SND1: variants seen among roughly 807,000 people sequenced by gnomAD.
SND1 encodes the protein staphylococcal nuclease and tudor domain containing 1, also known as staphylococcal nuclease domain-containing protein 1.
SND1 carries 38 observed loss-of-function variants against 121.7 expected under a neutral mutation model. That is an observed-to-expected ratio of 0.31 (90% CI 0.24 to 0.41). SND1 has a LOEUF of 0.41. Ranked by LOEUF, SND1 falls within the 10% of genes least tolerant of loss-of-function variation. The pLI, the probability that SND1 is intolerant of heterozygous loss-of-function variation, is 1.00. For missense variants in SND1, 868 were observed against 1,184.6 expected (o/e 0.73, Z 3.92); for synonymous variants, 401 against 447.4 (o/e 0.90, Z 1.31).
intron 3 of SND1, among the ~76,000 whole-genome samples, chr7:127,697,314 AG>A (rs57946947): frequency 0.031 from 4,748 of 152,314 alleles, 94 homozygotes; most frequent in Non-Finnish European, 0.045. Flanking sequence ...CCCCAGGGGA[AG>A]ATACTTTTCT....
intron 16 of SND1, among the ~76,000 whole-genome samples, chr7:128,066,924 A>G (rs1468678121): frequency 6.6e-6 from 1 of 152,200 alleles, no homozygotes; most frequent in Non-Finnish European, 1.5e-5. Flanking sequence ...TGGGTTGGGA[A>G]GAGGCAGGAG....
chr7:127,865,935 A>C (rs1799464858), intron 12 of SND1, among the ~76,000 whole-genome samples: 1 of 147,902 alleles, frequency 6.8e-6, no homozygotes, highest in African/African-American at 2.5e-5. Flanking sequence ...TTTTTACCAC[A>C]TACCTGCTTT....
At chr7:127,835,197 TCTC>T (rs1182881415) in intron 11 of SND1, among the ~76,000 whole-genome samples, 2 of 152,146 alleles carry the variant, frequency 1.3e-5, no homozygotes, top group South Asian at 4.1e-4. Flanking sequence ...ATTAAGCAAG[TCTC>T]CTTTCTTCAT....
intron 10 of SND1, among the ~76,000 whole-genome samples, chr7:127,762,885 G>A (rs1216748036): frequency 6.6e-6 from 1 of 152,110 alleles, no homozygotes; most frequent in Non-Finnish European, 1.5e-5. Context: ...TTGCTGTTTG[G>A]GACCATGCAG....
intron 1 of SND1, among the ~76,000 whole-genome samples, chr7:127,665,973 C>T (rs1795410726): frequency 2.0e-5 from 3 of 152,188 alleles, no homozygotes; most frequent in Non-Finnish European, 2.9e-5. Context: ...CCTGAAATCC[C>T]GCCATGATCT....
At chr7:127,657,860 T>G (rs806171) in intron 1 of SND1, among the ~76,000 whole-genome samples, 8,912 of 152,236 alleles carry the variant, frequency 0.059, 753 homozygotes, top group African/African-American at 0.19. Flanking sequence ...CAGTATCCCA[T>G]GTAAATAGTT....
At chr7:128,078,273 CA>C (rs1793540239) in intron 17 of SND1, among the ~76,000 whole-genome samples, 1 of 152,256 alleles carries the variant, frequency 6.6e-6, no homozygotes. Context: ...AACAGCTGGT[CA>C]CCTCCATCCC....
chr7:127,983,564 G>A (rs1200850602), intron 15 of SND1, among the ~76,000 whole-genome samples: 4 of 152,014 alleles, frequency 2.6e-5, no homozygotes, highest in Non-Finnish European at 4.4e-5. Flanking sequence ...TAGGTATGTG[G>A]CTAGGGAGAT....
intron 12 of SND1, among the ~76,000 whole-genome samples, chr7:127,850,498 C>T (rs764331667): frequency 6.6e-6 from 1 of 152,090 alleles, no homozygotes; most frequent in East Asian, 1.9e-4. Context: ...GAGGTAGGGT[C>T]TGTATTATAG....
intron 1 of SND1, among the ~76,000 whole-genome samples, chr7:127,682,155 A>T (rs1055965262): frequency 6.6e-6 from 1 of 152,200 alleles, no homozygotes; most frequent in South Asian, 2.1e-4. Flanking sequence ...CAAGTCATTT[A>T]TCAGAATCTA....
At chr7:127,841,646 A>G (rs1798967549) in intron 11 of SND1, among the ~76,000 whole-genome samples, 2 of 151,972 alleles carry the variant, frequency 1.3e-5, no homozygotes, top group Non-Finnish European at 2.9e-5. Context: ...CCTGGTTCTG[A>G]GTTACTCAGG....
chr7:128,078,813 C>T (rs1231238858), intron 17 of SND1, among the ~76,000 whole-genome samples: 1 of 152,274 alleles, frequency 6.6e-6, no homozygotes, highest in Non-Finnish European at 1.5e-5. Flanking sequence ...CCCTCAACAG[C>T]TTGCAGGCTC....
intron 10 of SND1, among the ~76,000 whole-genome samples, chr7:127,774,818 A>G (rs1797585199): frequency 6.6e-6 from 1 of 152,156 alleles, no homozygotes. Context: ...ACCTCAGGTG[A>G]TCTGCCCACC....
chr7:127,755,237 G>A (rs1797173172), intron 10 of SND1, among the ~76,000 whole-genome samples: 1 of 152,202 alleles, frequency 6.6e-6, no homozygotes, highest in Admixed American at 6.5e-5. Context: ...AGCCCAGGAG[G>A]AGAGTGACAT....
chr7:128,074,324 G>T (rs1334377139), intron 16 of SND1, among the ~76,000 whole-genome samples, 178 bp from the exon 17 acceptor site: 1 of 152,194 alleles, frequency 6.6e-6, no homozygotes, highest in Non-Finnish European at 1.5e-5. Context: ...TCGAGTTTTG[G>T]GGTGTGTCTG....
intron 23 of SND1, 46 bp from the exon 24 acceptor site, chr7:128,091,947 G>A (rs1562896680): frequency 6.2e-7 from 1 of 1,614,014 alleles, no homozygotes; most frequent in Non-Finnish European, 8.5e-7. Context: ...CTGAGTTCCG[G>A]TGGGTCCCGT....
chr7:128,030,576 A>G (rs1792555426), intron 16 of SND1: 1 of 1,607,778 alleles, frequency 6.2e-7, no homozygotes, highest in South Asian at 1.1e-5. Context: ...CGTGAGGTAG[A>G]CGAACGGGAG....
intron 11 of SND1, among the ~76,000 whole-genome samples, chr7:127,811,673 A>G (rs1798337413): frequency 6.6e-6 from 1 of 152,074 alleles, no homozygotes; most frequent in African/African-American, 2.4e-5. Flanking sequence ...TCCAAAATCA[A>G]TCTGGAAATG....
At chr7:127,815,597 T>C (rs1353832723) in intron 11 of SND1, among the ~76,000 whole-genome samples, 1 of 151,596 alleles carries the variant, frequency 6.6e-6, no homozygotes, top group African/African-American at 2.4e-5. Flanking sequence ...GAGGTAGAAA[T>C]TGGAGTGGTT....
Sources: gnomAD v4.1 joint callset for allele counts (sites outside exome capture counted in the v4.1 genomes callset) on GRCh38, gnomAD v4.1.1 for gene constraint, MANE v1.5 for transcripts, NCBI Gene and HGNC (gene_info 2026-07-23, HGNC 2026-07-21) for gene names.